WNK1: variants seen among roughly 807,000 people sequenced by gnomAD.
WNK1 encodes WNK lysine deficient protein kinase 1.
A neutral mutation model predicts 222.8 loss-of-function variants in WNK1; 38 were observed. That is an observed-to-expected ratio of 0.17 (90% CI 0.13 to 0.22). WNK1 has a LOEUF of 0.22. Among genes scored for constraint, WNK1 ranks in the 10% least tolerant of loss-of-function variants. The pLI, the probability that WNK1 is intolerant of heterozygous loss-of-function variation, is 1.00. For missense variants in WNK1, 2,348 were observed against 2,918.4 expected (o/e 0.80, Z 4.50); for synonymous variants, 1,090 against 1,092.9 (o/e 1.00, Z 0.05).
intron 4 of WNK1, among the ~76,000 whole-genome samples, chr12:831,010 G>A (rs1012466331): frequency 2.0e-5 from 3 of 152,038 alleles, no homozygotes; most frequent in Non-Finnish European, 2.9e-5. Flanking sequence ...AGATTATTTC[G>A]AGGAATGTTC....
At chr12:785,326 G>GC (rs1265359024) in intron 1 of WNK1, among the ~76,000 whole-genome samples, 1 of 151,408 alleles carries the variant, frequency 6.6e-6, no homozygotes, top group Non-Finnish European at 1.5e-5. Context: ...TTTTTATGTT[G>GC]CCCCTTCCAG....
intron 10 of WNK1, 55 bp from the exon 11 acceptor site, chr12:879,518 T>A: frequency 2.1e-6 from 2 of 951,382 alleles, no homozygotes; most frequent in Non-Finnish European, 3.0e-6. Context: ...CCTTGCTTTT[T>A]TTTTTTTTTT....
At chr12:846,220 C>G (rs1038393138) in intron 4 of WNK1, among the ~76,000 whole-genome samples, 1 of 152,156 alleles carries the variant, frequency 6.6e-6, no homozygotes, top group African/African-American at 2.4e-5. Flanking sequence ...TTCATTCCCC[C>G]TATTTAACAG....
At chr12:828,197 T>C (rs2154026722) in intron 3 of WNK1, among the ~76,000 whole-genome samples, 2 of 151,620 alleles carry the variant, frequency 1.3e-5, no homozygotes, top group South Asian at 4.2e-4. Context: ...TCCCAGCTAC[T>C]CAGGAGGCTG....
intron 9 of WNK1, among the ~76,000 whole-genome samples, chr12:872,865 G>T (rs1592119462): frequency 6.6e-6 from 1 of 152,302 alleles, no homozygotes; most frequent in East Asian, 1.9e-4. Context: ...TGTACAAGAT[G>T]AAAATCACTT....
chr12:761,293 A>C (rs1940990097), intron 1 of WNK1, among the ~76,000 whole-genome samples: 2 of 148,142 alleles, frequency 1.4e-5, no homozygotes, highest in Admixed American at 6.7e-5. Flanking sequence ...TACCATATTA[A>C]ATACATTATG....
At chr12:825,383 A>G (rs551684221) in intron 2 of WNK1, among the ~76,000 whole-genome samples, 2 of 152,358 alleles carry the variant, frequency 1.3e-5, no homozygotes, top group African/African-American at 4.8e-5. Context: ...CCTGAAGATT[A>G]CATTTACGTT....
rs1213557619 is a variant in WNK1, at chr12:861,295, G to T, written c.1903G>T (p.Asp635Tyr). 1 of 1,614,136 alleles carries T rather than the reference G, an allele frequency of 6.2e-7. No homozygotes were observed. The highest frequency in any genetic ancestry group is 8.5e-7 in the Non-Finnish European group (1 of 1,180,016). The change falls in exon 7 of 28, where the codon GAT (aspartate) becomes TAT (tyrosine). Residue 635 changes from aspartate (D) to tyrosine (Y), a missense_variant. Asp to Tyr is a radical substitution (Grantham distance 160). Transcript: ENST00000315939. ...AGTAGAACCTGAAGAACCTGAGGCAGATCAACATCAACAACTACAGTACCA... is the reference window on the plus strand; with the variant it reads ...AGTAGAACCTGAAGAACCTGAGGCATATCAACATCAACAACTACAGTACCA... ...TQVEPEEPEADQHQQLQYQQP... is the reference protein window; with the variant it reads ...TQVEPEEPEAYQHQQLQYQQP...
intron 2 of WNK1, among the ~76,000 whole-genome samples, chr12:824,390 G>C (rs1220532331): frequency 6.6e-6 from 1 of 151,990 alleles, no homozygotes; most frequent in African/African-American, 2.4e-5. Flanking sequence ...TTGTAATATG[G>C]AGCAGATTGG....
At chr12:905,898 TC>T (rs1955654319) in intron 26 of WNK1, among the ~76,000 whole-genome samples, 1 of 152,282 alleles carries the variant, frequency 6.6e-6, no homozygotes, top group South Asian at 2.1e-4. Flanking sequence ...CTGCAGTAGT[TC>T]CGTGTCTTGC....
At chr12:891,997 T>A (rs1393650876) in intron 22 of WNK1, among the ~76,000 whole-genome samples, 1 of 151,344 alleles carries the variant, frequency 6.6e-6, no homozygotes, top group African/African-American at 2.4e-5. Context: ...GTTATGAATA[T>A]CTTATTACTA....
intron 1 of WNK1, among the ~76,000 whole-genome samples, chr12:760,523 A>G (rs1253856624): frequency 1.4e-5 from 2 of 147,814 alleles, no homozygotes; most frequent in Non-Finnish European, 3.0e-5. Flanking sequence ...GTTAAGTGTT[A>G]TATAAAATAT....
At chr12:828,505 T>A (rs994728383) in intron 3 of WNK1, among the ~76,000 whole-genome samples, 1 of 152,108 alleles carries the variant, frequency 6.6e-6, no homozygotes, top group African/African-American at 2.4e-5. Context: ...GGGGCTGTCT[T>A]GTACGTTGTA....
At chr12:892,262 G>A (rs1954318524) in intron 22 of WNK1, among the ~76,000 whole-genome samples, 1 of 151,680 alleles carries the variant, frequency 6.6e-6, no homozygotes, top group Admixed American at 6.6e-5. Flanking sequence ...CTAGAGCAGG[G>A]TTCACAAACT....
In WNK1 at chr12:752,844, G is replaced by T. The variant is rs1394540186; in HGVS notation, c.-722G>T. 6.6e-6 allele frequency: 1 copy of T among 152,098 alleles called. No homozygotes were observed. The highest frequency in any genetic ancestry group is 1.5e-5 in the Non-Finnish European group (1 of 68,012). 9.4% of individuals were successfully genotyped at this position (152,098 alleles called of 1,614,324 possible). On this transcript the variant is annotated 5_prime_UTR_variant, in exon 1 of 28. Coordinates refer to ENST00000315939, the MANE Select transcript of WNK1 (RefSeq NM_018979.4). ...CCCCGGCACCGGCCCGGGAGGAGAC[G>T]GGTTTGCCAGGCCTGGGGCGGGCGG...
chr12:866,639 C>T (rs964206654), intron 8 of WNK1, among the ~76,000 whole-genome samples: 18 of 152,088 alleles, frequency 1.2e-4, no homozygotes, highest in East Asian at 3.9e-4. Flanking sequence ...GGATTACAGG[C>T]GTGAGCCACC....
In WNK1 at chr12:816,304, C is replaced by T. The variant is rs190849915; in HGVS notation, c.932+2490C>T. On this transcript the variant is annotated intron_variant, in intron 2 of 27. Coordinates refer to ENST00000315939, the MANE Select transcript of WNK1 (RefSeq NM_018979.4). ...CTTTTTTTGGAGACAGGGTCTCACT[C>T]GGTTGCCCAGGACAGAGTGCAGCAG... Among the ~76,000 whole-genome samples the T allele has an allele frequency of 9.7e-4, 148 of 152,232 alleles. 5 individuals carry two copies. The East Asian group carries it at 0.021, about 21-fold the overall frequency.
intron 17 of WNK1, 97 bp downstream of exon 17, chr12:883,928 C>T (rs566173058): frequency 4.7e-5 from 72 of 1,524,332 alleles, no homozygotes; most frequent in Non-Finnish European, 5.3e-5. Flanking sequence ...CTCAGGAGGC[C>T]GAGGCACGAG....
At chr12:869,507 T>C (rs1246569154) in intron 8 of WNK1, among the ~76,000 whole-genome samples, 1 of 152,124 alleles carries the variant, frequency 6.6e-6, no homozygotes, top group African/African-American at 2.4e-5. Flanking sequence ...AAAAATAGGA[T>C]AAATTTTTTT....
Sources: allele counts gnomAD v4.1 joint callset (sites outside exome capture counted in the v4.1 genomes callset), GRCh38; gene constraint gnomAD v4.1.1; transcripts MANE v1.5; gene names NCBI Gene and HGNC (gene_info 2026-07-23, HGNC 2026-07-21).